UBE2O: variants seen among roughly 807,000 people sequenced by gnomAD.
UBE2O encodes the protein ubiquitin conjugating enzyme E2 O.
In UBE2O, 15 loss-of-function variants were observed where a neutral mutation model predicts 125.8. The ratio of observed to expected loss-of-function variants is 0.12; its 90% CI spans 0.08 to 0.18. The LOEUF (loss-of-function observed/expected upper bound fraction) is 0.18. UBE2O is among the 10% of genes least tolerant of loss of function. The pLI, the probability that UBE2O is intolerant of heterozygous loss-of-function variation, is 1.00. For missense variants in UBE2O, 1,280 were observed against 1,723.6 expected (o/e 0.74, Z 4.56); for synonymous variants, 708 against 703.2 (o/e 1.01, Z -0.11).
chr17:76,390,778 C>A lies in UBE2O; in HGVS notation c.*165G>T. 1 of 644,726 alleles carries A rather than the reference C, an allele frequency of 1.6e-6. No homozygotes were observed. Among genetic ancestry groups the A allele is most frequent in the East Asian group, 2.9e-5 (1 of 34,140 alleles). 39.9% of individuals were successfully genotyped at this position (644,726 alleles called of 1,614,324 possible). A position where few individuals can be genotyped will look rare whatever the true frequency, so the allele number is the denominator to read the frequency against. ...CTTCAAAATAGAAACGGCAGCATCT[C>A]AACACACTTCTTGCACTTCAGCATC... On this transcript the variant is annotated 3_prime_UTR_variant, in exon 18 of 18. Transcript: ENST00000319380.
At chr17:76,423,725 T>TAAATAAATAAATAAATA (rs1407680083) in intron 1 of UBE2O, among the ~76,000 whole-genome samples, 2 of 148,836 alleles carry the variant, frequency 1.3e-5, no homozygotes, top group Non-Finnish European at 3.0e-5. Context: ...AATAAATAAA[T>TAAATAAATAAATAAATA]AAAAAATAAG....
Position 76,407,951 on chromosome 17 carries a change from TG to T in UBE2O, c.418-2380del, listed in dbSNP as rs60530405. Among the ~76,000 whole-genome samples the T allele has an allele frequency of 5.3e-3, 802 of 152,278 alleles. 4 individuals are homozygous for T. Among genetic ancestry groups the T allele is most frequent in the African/African-American group, 0.018 (757 of 41,566 alleles). ...GAGCAGAGTGGGAGCGACAAGGGGC[TG>T]GGGGATGGTAACATGGTGGCTACAC... On this transcript the variant is annotated intron_variant, in intron 1 of 17. Transcript: ENST00000319380.
Position 76,410,034 on chromosome 17 carries a change from C to A in UBE2O, c.418-4462G>T, listed in dbSNP as rs1002766088. Among the ~76,000 whole-genome samples the A allele has an allele frequency of 7.9e-5, 12 of 152,190 alleles. No individual in the cohort carries two copies. The highest frequency in any genetic ancestry group is 2.9e-4 in the African/African-American group (12 of 41,512). On this transcript the variant is annotated intron_variant, in intron 1 of 17. Coordinates refer to ENST00000319380, the MANE Select transcript of UBE2O (RefSeq NM_022066.4). This position sits in a 1 kb window ranked among gnomAD's most constrained non-coding sequence, Gnocchi z 4.0. ...CGGGATGAGATGGGGAATGAGCTTA[C>A]CAAGCAGGGAGGAGTAGCTGTCAAG...
rs66834782 is a variant in UBE2O at position 76,406,692 on chromosome 17, G to GTTTTT, written c.418-1125_418-1121dup. On this transcript the variant is annotated intron_variant, in intron 1 of 17. Coordinates refer to ENST00000319380, the MANE Select transcript of UBE2O (RefSeq NM_022066.4). The stretch of plus-strand genomic sequence containing the variant: ...CCATGGGAACTCATGAGCCCAAGTT[G>GTTTTT]TTTTTTTTTTTTTTTTTTTTTTTTT... Among the ~76,000 whole-genome samples the GTTTTT allele has an allele frequency of 5.0e-3, 357 of 70,898 alleles. 16 individuals are homozygous for GTTTTT. The highest frequency in any genetic ancestry group is 0.012 in the African/African-American group (201 of 16,642). The allele number at this position is 70,898 out of a possible 152,430, so 46.5% of individuals were successfully genotyped here.
chr17:76,405,719 G>T lies in UBE2O; in HGVS notation c.418-147C>A, dbSNP rs929543282. ...TTGGCTAGCAGTATCTTCACAGACC[G>T]CACACACCTCCGACCAGCACCCAGA... On this transcript the variant is annotated intron_variant, in intron 1 of 17. Coordinates refer to ENST00000319380, the MANE Select transcript of UBE2O (RefSeq NM_022066.4). The surrounding 1 kb of genome is among the most constrained non-coding windows in gnomAD (Gnocchi z 6.1). The T allele has an allele frequency of 1.4e-6, 1 of 727,762 alleles. No homozygotes were observed. The highest frequency in any genetic ancestry group is 2.7e-5 in the East Asian group (1 of 36,690). The allele number at this position is 727,762 out of a possible 1,614,324, so 45.1% of individuals were successfully genotyped here. A position where few individuals can be genotyped will look rare whatever the true frequency, so the allele number is the denominator to read the frequency against.
Position 76,409,180 on chromosome 17 carries a change from C to T in UBE2O, c.418-3608G>A, listed in dbSNP as rs529678423. 3.0e-4 allele frequency among the ~76,000 whole-genome samples: 45 copies of T among 152,136 alleles called. 1 individual carries two copies. In the South Asian group the frequency reaches 6.0e-3, roughly 20 times the overall value. Reference sequence around the variant, plus strand: ...AGACGGGGTTTCACCATATTAGCCACGATGCTCTCGATCTCCTAACCTCGT... The same window carrying T: ...AGACGGGGTTTCACCATATTAGCCATGATGCTCTCGATCTCCTAACCTCGT... On this transcript the variant is annotated intron_variant, in intron 1 of 17. Transcript: ENST00000319380.
Position 76,391,163 on chromosome 17 carries a change from G to A in UBE2O, c.3659C>T (p.Ser1220Leu), listed in dbSNP as rs200206989. 15 of 1,613,548 alleles carry A rather than the reference G, an allele frequency of 9.3e-6. No homozygotes were observed. Among genetic ancestry groups the A allele is most frequent in the East Asian group, 2.2e-5 (1 of 44,880 alleles). ...SASRDHTDQT[S>L]ETAPDASVPP... Reference sequence around the variant, plus strand: ...CACCGATGCGTCTGGTGCGGTCTCCGAAGTCTGGTCTGTGTGGTCCCTGCT... The same window carrying A: ...CACCGATGCGTCTGGTGCGGTCTCCAAAGTCTGGTCTGTGTGGTCCCTGCT... The change falls in exon 18 of 18, where the codon TCG (serine) becomes TTG (leucine). Residue 1220 changes from serine to leucine, a missense_variant. Ser to Leu is a moderately radical substitution (Grantham distance 145, BLOSUM62 -2). Transcript: ENST00000319380. The surrounding 1 kb of genome is among the most constrained non-coding windows in gnomAD (Gnocchi z 8.4).
intron 1 of UBE2O, among the ~76,000 whole-genome samples, chr17:76,437,017 T>G (rs1236496520): frequency 6.6e-6 from 1 of 151,942 alleles, no homozygotes; most frequent in Non-Finnish European, 1.5e-5. Context: ...GGCATGGTGG[T>G]GGGCACCCAT....
At chr17:76,423,766 G>A (rs557059010) in intron 1 of UBE2O, among the ~76,000 whole-genome samples, 6 of 151,264 alleles carry the variant, frequency 4.0e-5, no homozygotes, top group Non-Finnish European at 8.9e-5. Context: ...GGGAGAGCCT[G>A]AAGATTCAGG....
At chr17:76,423,442 C>T (rs892886807) in intron 1 of UBE2O, among the ~76,000 whole-genome samples, 1 of 151,564 alleles carries the variant, frequency 6.6e-6, no homozygotes, top group Admixed American at 6.6e-5. Context: ...GCCTGTAATC[C>T]CAGCACTTCG....
At chr17:76,428,902 A>AT (rs935968445) in intron 1 of UBE2O, among the ~76,000 whole-genome samples, 1,415 of 136,152 alleles carry the variant, frequency 0.01, 12 homozygotes, top group African/African-American at 0.024. Flanking sequence ...CCCCTCTACT[A>AT]TTTTTTTTTT....
intron 1 of UBE2O, among the ~76,000 whole-genome samples, chr17:76,447,810 C>T (rs1470251489): frequency 6.6e-6 from 1 of 152,142 alleles, no homozygotes; most frequent in Non-Finnish European, 1.5e-5. Context: ...CCCAAGGTGC[C>T]TCTTTGGTGC....
chr17:76,431,149 C>T (rs1003522729), intron 1 of UBE2O: 12 of 167,902 alleles, frequency 7.1e-5, no homozygotes, highest in African/African-American at 2.4e-5. Context: ...AAGAGGCAAC[C>T]GGAGGTTTTT....
chr17:76,400,445 C>T lies in UBE2O; in HGVS notation c.1000G>A (p.Gly334Ser). 6.2e-7 allele frequency: 1 copy of T among 1,610,882 alleles called. No individual in the cohort carries two copies. Among genetic ancestry groups the T allele is most frequent in the Non-Finnish European group, 8.5e-7 (1 of 1,178,508 alleles). Reference protein sequence around the residue: ...PPSVITQENLGRVKRLGCFDH... With the variant: ...PPSVITQENLSRVKRLGCFDH... ...TGGCAGTAAGGGCATGCTTACCTGCCTAGGTTTTCCTGGGTGATGACAGAG... is the reference window on the plus strand; with the variant it reads ...TGGCAGTAAGGGCATGCTTACCTGCTTAGGTTTTCCTGGGTGATGACAGAG... Residue 334 changes from glycine (G) to serine (S), a missense_variant, in exon 7 of 18, where the codon GGC (glycine) becomes AGC (serine). Physicochemically the swap from Gly to Ser is moderately conservative, Grantham distance 56. This residue lies in a region of UBE2O where 206 missense variants were observed against 315.7 expected (regional missense o/e 0.65). Transcript: ENST00000319380. This position sits in a 1 kb window ranked among gnomAD's most constrained non-coding sequence, Gnocchi z 4.3.
At chr17:76,416,042 T>C (rs2072604797) in intron 1 of UBE2O, among the ~76,000 whole-genome samples, 1 of 151,862 alleles carries the variant, frequency 6.6e-6, no homozygotes, top group African/African-American at 2.4e-5. Flanking sequence ...TATATGTGTG[T>C]GTACATATGT....
intron 1 of UBE2O, among the ~76,000 whole-genome samples, chr17:76,439,248 G>T (rs191366257): frequency 1.2e-4 from 19 of 152,126 alleles, no homozygotes; most frequent in Non-Finnish European, 4.4e-5. Context: ...CCTAGAACGC[G>T]GCAGGTGCCA....
At chr17:76,416,886 G>A (rs996690060) in intron 1 of UBE2O, among the ~76,000 whole-genome samples, 1 of 152,214 alleles carries the variant, frequency 6.6e-6, no homozygotes, top group Non-Finnish European at 1.5e-5. Flanking sequence ...AGACTGGGAG[G>A]AGTTTCTGCC....
In UBE2O at chr17:76,391,570, G is replaced by C; in HGVS notation, c.3252C>G (p.Phe1084Leu). ...CTTCCTGCAGGCCTCGGTCACTGTC[G>C]AAGCCGGCTTCGTTGTAGTATGGTT... ...VNEPYYNEAG[F>L]DSDRGLQEGY... The change falls in exon 18 of 18, where the codon TTC becomes TTG. Residue 1084 changes from phenylalanine to leucine, a missense_variant. Phe to Leu is a conservative substitution (Grantham distance 22, BLOSUM62 0). Around this residue, in one of 10 missense-constraint regions of UBE2O, gnomAD observed 233 missense variants for 279.0 expected, o/e 0.84. Transcript: ENST00000319380. This position sits in a 1 kb window ranked among gnomAD's most constrained non-coding sequence, Gnocchi z 8.4. The C allele has an allele frequency of 6.2e-7, 1 of 1,614,116 alleles. No homozygotes were observed. The highest frequency in any genetic ancestry group is 8.5e-7 in the Non-Finnish European group (1 of 1,180,018).
rs748787903 is a variant in UBE2O at position 76,398,351 on chromosome 17, G to A, written c.1929C>T (p.Tyr643=). The A allele has an allele frequency of 1.5e-5, 25 of 1,614,050 alleles. No homozygotes were observed. The highest frequency in any genetic ancestry group is 1.0e-4 in the Admixed American group (6 of 59,998). The change falls in exon 12 of 18, where the codon TAC becomes TAT. Residue 643 remains tyrosine, a synonymous_variant. Transcript: ENST00000319380. This position sits in a 1 kb window ranked among gnomAD's most constrained non-coding sequence, Gnocchi z 5.4. ...LIGEEEDVSV[Y]DIADHPDFRF... is the part of the protein sequence containing the mutation. ...TAAAGTCAGGGTGGTCAGCAATGTC[G>A]TAAACACTCACATCTTCCTCTTCTC...
Sources: allele counts gnomAD v4.1 joint callset (sites outside exome capture counted in the v4.1 genomes callset), GRCh38; gene constraint gnomAD v4.1.1; regional missense constraint gnomAD v4.1.1; non-coding constraint Gnocchi (gnomAD v3.1); transcripts MANE v1.5; gene names NCBI Gene and HGNC (gene_info 2026-07-23, HGNC 2026-07-21).